The following CCNT2 variants were observed in gnomAD, a reference collection of about 807,000 sequenced individuals.
CCNT2 encodes cyclin T2, also known as cyclin-T2.
Under a neutral mutation model 70.0 loss-of-function variants are expected in CCNT2, and 18 were observed. The observed-to-expected ratio is 0.26, with a 90% CI of 0.18 to 0.38. The LOEUF (loss-of-function observed/expected upper bound fraction) is 0.38, where lower values mean the gene tolerates loss of function less well. Among genes scored for constraint, CCNT2 ranks in the 10% least tolerant of loss-of-function variants. CCNT2 has a pLI of 1.00. For synonymous variants in CCNT2, 334 were observed against 313.3 expected, an observed-to-expected ratio of 1.07 and a Z score of -0.70; for missense variants, 734 against 890.2, an observed-to-expected ratio of 0.82 and a Z score of 2.23.
intron 2 of CCNT2, among the ~76,000 whole-genome samples, chr2:134,924,741 G>A (rs1680155994): frequency 6.6e-6 from 1 of 151,974 alleles, no homozygotes; most frequent in African/African-American, 2.4e-5. Context: ...TAGCCACCTC[G>A]CCCGGCCCCA....
intron 2 of CCNT2, among the ~76,000 whole-genome samples, chr2:134,928,304 G>GTTTTTTTTTTTTTTTTTT (rs1680456120): frequency 2.0e-5 from 2 of 97,710 alleles, no homozygotes; most frequent in African/African-American, 4.0e-5. Flanking sequence ...CTGAGACGGA[G>GTTTTTTTTTTTTTTTTTT]TTTCATTCTT....
At chr2:134,944,070 G>A in intron 5 of CCNT2, 2 of 984,960 alleles carry the variant, frequency 2.0e-6, no homozygotes, top group Non-Finnish European at 1.2e-6. Flanking sequence ...AATCTAATTT[G>A]TATTTTTTTG....
chr2:134,942,644 G>A lies in CCNT2; in HGVS notation c.463G>A (p.Asp155Asn). Reference protein sequence around the residue: ...FEITIEHPHTDVVKCTQLVRA... With the variant: ...FEITIEHPHTNVVKCTQLVRA... ...GATCACCATTGAACACCCACACACA[G>A]ATGTGGTGAAATGTACCCAGTTAGT... is the stretch of plus-strand genomic sequence containing the variant. The change falls in exon 5 of 9, where the codon GAT becomes AAT. Residue 155 changes from aspartate (D) to asparagine (N), a missense_variant. Transcript: ENST00000264157. 6.2e-7 allele frequency: 1 copy of A among 1,610,792 alleles called. No individual in the cohort carries two copies. The highest frequency in any genetic ancestry group is 1.3e-5 in the African/African-American group (1 of 74,960).
At chr2:134,922,493 T>C (rs983848987) in intron 2 of CCNT2, among the ~76,000 whole-genome samples, 1 of 152,220 alleles carries the variant, frequency 6.6e-6, no homozygotes, top group Admixed American at 6.5e-5. Context: ...TTGAGTTCTT[T>C]TGTCAGTTAC....
intron 1 of CCNT2, among the ~76,000 whole-genome samples, chr2:134,919,266 G>A (rs1168470312): frequency 6.6e-6 from 1 of 152,196 alleles, no homozygotes; most frequent in Non-Finnish European, 1.5e-5. Context: ...GGTGGCGGCG[G>A]GGGTTGGGAG....
At chr2:134,944,092 G>A (rs530520342) in intron 5 of CCNT2, 10 of 984,086 alleles carry the variant, frequency 1.0e-5, no homozygotes, top group African/African-American at 3.5e-5. Context: ...AGTAGCACAC[G>A]TTATCATTTG....
intron 2 of CCNT2, among the ~76,000 whole-genome samples, chr2:134,929,613 CAGAGAG>C (rs140163816): frequency 1.7e-5 from 2 of 117,676 alleles, no homozygotes; most frequent in East Asian, 3.0e-4. Context: ...GTCTCAAAAA[CAGAGAG>C]AGAGAGAGAG....
chr2:134,939,995 A>C (rs1350727845), intron 4 of CCNT2, among the ~76,000 whole-genome samples: 1 of 152,166 alleles, frequency 6.6e-6, no homozygotes, highest in African/African-American at 2.4e-5. Context: ...CCAAGTTAAA[A>C]TCTGTAGGCC....
In CCNT2 at chr2:134,954,350, C is replaced by T; in HGVS notation, c.1895C>T (p.Ser632Phe). ...AATGATGCATCTCACAACCACCACT[C>T]CAAAATGAGCAAAAGTTCCAAAAGT... ...HVNDASHNHH[S>F]KMSKSSKSSG... Residue 632 changes from serine (S) to phenylalanine (F), a missense_variant, in exon 9 of 9, where the codon TCC becomes TTC. By Grantham distance (155) the Ser-to-Phe change is radical. This residue lies in a region of CCNT2 where 532 missense variants were observed against 556.9 expected (regional missense o/e 0.96). Transcript: ENST00000264157. 1 of 1,614,206 alleles carries T rather than the reference C, an allele frequency of 6.2e-7. No individual in the cohort carries two copies. The highest frequency in any genetic ancestry group is 8.5e-7 in the Non-Finnish European group (1 of 1,180,036).
Position 134,954,359 on chromosome 2 carries a change from G to GCAAAAGTTC in CCNT2, c.1914_1922dup (p.Lys639_Ser641dup). On this transcript the variant is annotated inframe_insertion, in exon 9 of 9. Transcript: ENST00000264157. ...TCTCACAACCACCACTCCAAAATGA[G>GCAAAAGTTC]CAAAAGTTCCAAAAGTTCAGGTAGT... is the stretch of plus-strand genomic sequence containing the variant. The GCAAAAGTTC allele has an allele frequency of 6.2e-7, 1 of 1,614,140 alleles. No individual in the cohort carries two copies. The highest frequency in any genetic ancestry group is 8.5e-7 in the Non-Finnish European group (1 of 1,180,016).
chr2:134,929,449 T>TA (rs1052992224), intron 2 of CCNT2, among the ~76,000 whole-genome samples: 5 of 150,116 alleles, frequency 3.3e-5, no homozygotes, highest in Admixed American at 6.7e-5. Flanking sequence ...AAAATTAATT[T>TA]AAAAAAAAAT....
chr2:134,944,187 A>C (rs1681783415), intron 5 of CCNT2: 1 of 982,952 alleles, frequency 1.0e-6, no homozygotes, highest in Non-Finnish European at 1.2e-6. Context: ...TGAATATTAC[A>C]GTATAGCATA....
intron 3 of CCNT2, among the ~76,000 whole-genome samples, chr2:134,938,249 TAAATA>T (rs1015304912): frequency 4.6e-5 from 7 of 152,188 alleles, no homozygotes; most frequent in Admixed American, 1.3e-4. Flanking sequence ...AAGTAGAGCA[TAAATA>T]AAATAAAAGG....
chr2:134,942,049 T>C (rs10496732), intron 4 of CCNT2, among the ~76,000 whole-genome samples: 32,380 of 151,846 alleles, frequency 0.21, 3,927 homozygotes, highest in Middle Eastern at 0.58. Flanking sequence ...AAACATTTCA[T>C]CTTTGGTATT....
chr2:134,921,270 G>C (rs1382813358), intron 2 of CCNT2, among the ~76,000 whole-genome samples: 1 of 152,188 alleles, frequency 6.6e-6, no homozygotes, highest in East Asian at 1.9e-4. Context: ...TATGGCTACA[G>C]ATGTCCCATT....
At chr2:134,920,786 G>T (rs527279311) in intron 2 of CCNT2, among the ~76,000 whole-genome samples, 78 of 152,252 alleles carry the variant, frequency 5.1e-4, no homozygotes, top group African/African-American at 1.9e-3. Flanking sequence ...GCTATTTGTG[G>T]ATAGTCATTA....
intron 5 of CCNT2, chr2:134,945,432 C>A: frequency 1.9e-5 from 19 of 985,420 alleles, no homozygotes; most frequent in Non-Finnish European, 2.3e-5. Flanking sequence ...AATTGCCTTT[C>A]TGTTGGGTAT....
chr2:134,943,713 C>T, intron 5 of CCNT2: 1 of 985,150 alleles, frequency 1.0e-6, no homozygotes, highest in Non-Finnish European at 1.2e-6. Flanking sequence ...ATATTTTTTA[C>T]ACAGTTGCAT....
At chr2:134,926,503 A>G (rs1288768713) in intron 2 of CCNT2, among the ~76,000 whole-genome samples, 2 of 152,188 alleles carry the variant, frequency 1.3e-5, no homozygotes, top group Non-Finnish European at 2.9e-5. Flanking sequence ...CAATTTCAAA[A>G]GTTCGTAGAA....
Sources: gnomAD v4.1 joint callset for allele counts (sites outside exome capture counted in the v4.1 genomes callset) on GRCh38, gnomAD v4.1.1 for gene constraint, gnomAD v4.1.1 regional missense constraint, MANE v1.5 for transcripts, NCBI Gene and HGNC (gene_info 2026-07-23, HGNC 2026-07-21) for gene names.